HS6ST1: variants seen among roughly 807,000 people sequenced by gnomAD.
HS6ST1 encodes heparan-sulfate 6-O-sulfotransferase 1.
In HS6ST1, 3 loss-of-function variants were observed where a neutral mutation model predicts 25.2. The observed-to-expected ratio is 0.12, with a 90% CI of 0.05 to 0.31. The LOEUF is 0.31. Among genes scored for constraint, HS6ST1 ranks in the 10% least tolerant of loss-of-function variants. HS6ST1 has a pLI of 1.00. For synonymous variants in HS6ST1, 204 were observed against 275.1 expected (o/e 0.74, Z 2.56); for missense variants, 310 against 609.6 (o/e 0.51, Z 5.18).
At chr2:128,291,241 C>T (rs1475677488) in intron 1 of HS6ST1, among the ~76,000 whole-genome samples, 3 of 152,262 alleles carry the variant, frequency 2.0e-5, no homozygotes, top group African/African-American at 4.8e-5. Context: ...GCAGGCATTA[C>T]TAGGCTGGGG....
At chr2:128,298,507 G>A (rs1573703627) in intron 1 of HS6ST1, among the ~76,000 whole-genome samples, 1 of 152,210 alleles carries the variant, frequency 6.6e-6, no homozygotes, top group African/African-American at 2.4e-5. Flanking sequence ...AGGCGATTCT[G>A]ACACAGGATA....
intron 1 of HS6ST1, among the ~76,000 whole-genome samples, chr2:128,309,517 T>C (rs1694258861): frequency 6.6e-6 from 1 of 152,230 alleles, no homozygotes. Flanking sequence ...AACAGGCCCC[T>C]GCCCCTGCCC....
intron 1 of HS6ST1, among the ~76,000 whole-genome samples, chr2:128,278,562 C>T (rs1236444385): frequency 1.3e-5 from 2 of 152,172 alleles, no homozygotes; most frequent in African/African-American, 4.8e-5. Context: ...CATGGCCATG[C>T]AGGCGGAGGC....
chr2:128,289,806 A>G (rs1337694362), intron 1 of HS6ST1: 2 of 152,188 alleles, frequency 1.3e-5, no homozygotes, highest in Non-Finnish European at 2.9e-5. Context: ...GCTTTCACCA[A>G]CCACAGGCCA....
intron 1 of HS6ST1, among the ~76,000 whole-genome samples, chr2:128,291,229 G>A (rs980854901): frequency 9.2e-5 from 14 of 152,242 alleles, no homozygotes; most frequent in African/African-American, 2.7e-4. Flanking sequence ...TGAGTACCCC[G>A]TGCAGGCATT....
chr2:128,290,964 A>G (rs1693943045), intron 1 of HS6ST1, among the ~76,000 whole-genome samples: 1 of 152,142 alleles, frequency 6.6e-6, no homozygotes, highest in Non-Finnish European at 1.5e-5. Flanking sequence ...CCTGGGCAAA[A>G]GAGTGAAACT....
intron 1 of HS6ST1, among the ~76,000 whole-genome samples, chr2:128,296,488 A>T (rs12988681): frequency 0.16 from 23,881 of 152,248 alleles, 2,335 homozygotes; most frequent in Non-Finnish European, 0.21. Context: ...CACACACAAA[A>T]ACCTGTTAGA....
At chr2:128,295,070 G>A (rs560232348) in intron 1 of HS6ST1, among the ~76,000 whole-genome samples, 10 of 152,312 alleles carry the variant, frequency 6.6e-5, no homozygotes, top group Non-Finnish European at 1.0e-4. Context: ...GCCCAGTGAG[G>A]AACCAGCAAC....
intron 1 of HS6ST1, among the ~76,000 whole-genome samples, chr2:128,314,806 C>T (rs1480346824): frequency 6.6e-6 from 1 of 152,226 alleles, no homozygotes; most frequent in Non-Finnish European, 1.5e-5. Flanking sequence ...GGCCCAGATG[C>T]CACACTTGGG....
intron 1 of HS6ST1, among the ~76,000 whole-genome samples, chr2:128,272,208 G>A (rs1474310971): frequency 4.6e-5 from 7 of 152,216 alleles, no homozygotes; most frequent in Admixed American, 3.9e-4. Flanking sequence ...GATGTGGCCT[G>A]GTGCCCCCTC....
intron 1 of HS6ST1, among the ~76,000 whole-genome samples, chr2:128,297,026 C>T (rs1694048021): frequency 6.6e-6 from 1 of 152,128 alleles, no homozygotes; most frequent in African/African-American, 2.4e-5. Context: ...CACATCACTG[C>T]ACCTTAGCCT....
At chr2:128,295,093 C>T (rs1257247796) in intron 1 of HS6ST1, among the ~76,000 whole-genome samples, 6 of 152,306 alleles carry the variant, frequency 3.9e-5, no homozygotes, top group East Asian at 1.9e-4. Flanking sequence ...AGTGACCATG[C>T]GCAGATCCAG....
chr2:128,278,020 A>T (rs1263375719), intron 1 of HS6ST1, among the ~76,000 whole-genome samples: 1 of 152,250 alleles, frequency 6.6e-6, no homozygotes. Context: ...TAAAGTCCAG[A>T]GTCTGGATTC....
At chr2:128,286,556 TC>T (rs1238580357) in intron 1 of HS6ST1, among the ~76,000 whole-genome samples, 5 of 152,114 alleles carry the variant, frequency 3.3e-5, no homozygotes, top group African/African-American at 1.2e-4. Flanking sequence ...TTGCAGGCCA[TC>T]CAAATGCACG....
At chr2:128,317,919 GCCC>G in intron 1 of HS6ST1, 115 bp downstream of exon 1, 1 of 1,230,064 alleles carries the variant, frequency 8.1e-7, no homozygotes, top group Non-Finnish European at 1.0e-6. Context: ...GCGAGTGGGG[GCCC>G]CCAAGAGGGC....
At chr2:128,294,019 C>T (rs1042998298) in intron 1 of HS6ST1, among the ~76,000 whole-genome samples, 1 of 152,174 alleles carries the variant, frequency 6.6e-6, no homozygotes, top group Non-Finnish European at 1.5e-5. Flanking sequence ...GTCCCGAAGC[C>T]AGTAGGCTTG....
chr2:128,292,908 C>A (rs560842549), intron 1 of HS6ST1, among the ~76,000 whole-genome samples: 1 of 152,022 alleles, frequency 6.6e-6, no homozygotes, highest in African/African-American at 2.4e-5. Flanking sequence ...AGGCAGCGGT[C>A]GGGGAGAGCC....
chr2:128,314,929 C>G (rs962724868), intron 1 of HS6ST1, among the ~76,000 whole-genome samples: 1 of 152,160 alleles, frequency 6.6e-6, no homozygotes, highest in Admixed American at 6.5e-5. Context: ...TTCAGGCAGA[C>G]GGGAAGAGGA....
chr2:128,307,457 C>A lies in HS6ST1; in HGVS notation c.527+10580G>T, dbSNP rs60301458. ...AGCCTGGCCCTACCTGGTGCAGGCA[C>A]CGGGATGCCACAGGCCCAAGTCCAC... On this transcript the variant is annotated intron_variant, in intron 1 of 1. Transcript: ENST00000259241. 6.6e-3 allele frequency among the ~76,000 whole-genome samples: 1,002 copies of A among 152,266 alleles called. 15 individuals carry two copies. Among genetic ancestry groups the A allele is most frequent in the African/African-American group, 0.022 (903 of 41,532 alleles).
Sources: allele counts gnomAD v4.1 joint callset (sites outside exome capture counted in the v4.1 genomes callset), GRCh38; gene constraint gnomAD v4.1.1; transcripts MANE v1.5; gene names NCBI Gene and HGNC (gene_info 2026-07-23, HGNC 2026-07-21).